The following SNRPC variants were observed in gnomAD, a reference collection of about 807,000 sequenced individuals.
The protein encoded by SNRPC is small nuclear ribonucleoprotein polypeptide C.
A neutral mutation model predicts 20.0 loss-of-function variants in SNRPC; 5 were observed. That is an observed-to-expected ratio of 0.25 (90% CI 0.13 to 0.53). The LOEUF is 0.53. Among genes scored for constraint, SNRPC ranks in the 20% least tolerant of loss-of-function variants. SNRPC has a pLI of 0.96. For synonymous variants in SNRPC, 61 were observed against 58.7 expected (o/e 1.04, Z -0.18); for missense variants, 112 against 224.1 (o/e 0.50, Z 3.19).
chr6:34,766,396 A>G (rs1764614173), intron 3 of SNRPC, among the ~76,000 whole-genome samples: 1 of 151,722 alleles, frequency 6.6e-6, no homozygotes, highest in Non-Finnish European at 1.5e-5. Flanking sequence ...ACGGGATCTC[A>G]CTATGTTGCC....
chr6:34,771,320 C>T (rs1764687516), intron 5 of SNRPC, among the ~76,000 whole-genome samples: 1 of 122,436 alleles, frequency 8.2e-6, no homozygotes, highest in Admixed American at 9.3e-5. Flanking sequence ...CAGAGTGAGA[C>T]TGTGTCTCAA....
chr6:34,773,458 G>A lies in SNRPC; in HGVS notation c.368G>A (p.Arg123Lys). 13 of 1,613,626 alleles carry A rather than the reference G, an allele frequency of 8.1e-6. No individual in the cohort carries two copies. The highest frequency in any genetic ancestry group is 2.2e-5 in the East Asian group (1 of 44,890). ...MMPVGPAPGM[R>K]PPMGGHMPMM... ...TTTTGTCCTGCAGCTCCTGGAATGA[G>A]GCCGCCCATGGGAGGCCATATGCCA... Residue 123 changes from arginine (R) to lysine (K), a missense_variant, in exon 6 of 6, where the codon AGG becomes AAG. Physicochemically the swap from Arg to Lys is conservative, Grantham distance 26. Around this residue, in one of 3 missense-constraint regions of SNRPC, gnomAD observed 57 missense variants for 121.0 expected, o/e 0.47. Transcript: ENST00000244520. This position sits in a 1 kb window ranked among gnomAD's most constrained non-coding sequence, Gnocchi z 4.1.
intron 4 of SNRPC, among the ~76,000 whole-genome samples, chr6:34,769,637 A>G (rs1246425850): frequency 6.6e-6 from 1 of 152,232 alleles, no homozygotes. Context: ...ATCTTAAATT[A>G]GATACTTGTG....
In SNRPC at chr6:34,771,770, C is replaced by T. The variant is rs1275439240; in HGVS notation, c.355+1375C>T. 5.3e-5 allele frequency among the ~76,000 whole-genome samples: 8 copies of T among 152,296 alleles called. No individual in the cohort carries two copies. In the East Asian group the frequency reaches 1.5e-3, roughly 29 times the overall value. ...GTATCAGTATGTGTGCTGCAGGTATCACTTAGAGGAGGGGGAGAGTGTAGA... is the reference window on the plus strand; with the variant it reads ...GTATCAGTATGTGTGCTGCAGGTATTACTTAGAGGAGGGGGAGAGTGTAGA... On this transcript the variant is annotated intron_variant, in intron 5 of 5. Transcript: ENST00000244520.
intron 3 of SNRPC, among the ~76,000 whole-genome samples, chr6:34,762,916 A>G (rs570926365): frequency 4.7e-4 from 72 of 152,322 alleles, no homozygotes; most frequent in Admixed American, 1.2e-3. Flanking sequence ...AGACAGCAAT[A>G]AGGTTAGATG....
chr6:34,770,435 G>A (rs763274833), intron 5 of SNRPC, 40 bp downstream of exon 5: 2 of 1,320,948 alleles, frequency 1.5e-6, no homozygotes, highest in South Asian at 1.2e-5. Context: ...GTTCCATTTA[G>A]TTTAGTTACT....
intron 2 of SNRPC, among the ~76,000 whole-genome samples, chr6:34,758,969 G>A (rs1374986082): frequency 2.9e-5 from 4 of 137,608 alleles, no homozygotes; most frequent in African/African-American, 1.1e-4. Context: ...GCAGTGAGCC[G>A]AGATCCCGCC....
At position 34,760,915 on chromosome 6, in the gene SNRPC, G is replaced by A. The variant is rs1352497409; in HGVS notation, c.52-1680G>A. ...AAAAAAAAATTAGCTGGGTGTAGTG[G>A]CACGCGCCTATAGTCCCAGGTACTT... On this transcript the variant is annotated intron_variant, in intron 2 of 5. Coordinates refer to ENST00000244520, the MANE Select transcript of SNRPC (RefSeq NM_003093.3). Among the ~76,000 whole-genome samples the A allele has an allele frequency of 3.3e-5, 5 of 151,932 alleles. No homozygotes were observed. In the South Asian group the frequency reaches 1.0e-3, roughly 32 times the overall value.
intron 4 of SNRPC, 77 bp from the exon 5 acceptor site, chr6:34,770,214 C>A: frequency 1.8e-6 from 2 of 1,106,046 alleles, no homozygotes; most frequent in Non-Finnish European, 1.4e-6. Flanking sequence ...AAGAACGAAA[C>A]TCCGTCTCAA....
At chr6:34,757,608 C>A in intron 1 of SNRPC, 57 bp downstream of exon 1, 1 of 1,574,436 alleles carries the variant, frequency 6.4e-7, no homozygotes, top group Non-Finnish European at 8.7e-7. Flanking sequence ...GGCCCCCATG[C>A]AGGAGCGGAG....
At chr6:34,761,513 AT>A (rs869059984) in intron 2 of SNRPC, among the ~76,000 whole-genome samples, 284 of 85,626 alleles carry the variant, frequency 3.3e-3, no homozygotes, top group African/African-American at 0.01. Flanking sequence ...ACAAGGAACA[AT>A]TTTTTTTTTT....
intron 2 of SNRPC, among the ~76,000 whole-genome samples, chr6:34,761,957 CT>C (rs1353702933): frequency 1.3e-5 from 2 of 152,046 alleles, no homozygotes; most frequent in African/African-American, 4.8e-5. Flanking sequence ...CAACCACCAC[CT>C]TTGCTGCAGT....
At chr6:34,770,944 AACTTAC>A (rs1382327392) in intron 5 of SNRPC, among the ~76,000 whole-genome samples, 1 of 152,196 alleles carries the variant, frequency 6.6e-6, no homozygotes, top group African/African-American at 2.4e-5. Flanking sequence ...AGGCGTAAAA[AACTTAC>A]ACTTCAAACA....
chr6:34,767,313 T>A (rs1764625645), intron 3 of SNRPC, among the ~76,000 whole-genome samples: 1 of 152,224 alleles, frequency 6.6e-6, no homozygotes, highest in African/African-American at 2.4e-5. Flanking sequence ...AGATGACTGT[T>A]CCTCTTTGGT....
intron 2 of SNRPC, 42 bp downstream of exon 2, chr6:34,757,996 G>A: frequency 6.3e-7 from 1 of 1,575,408 alleles, no homozygotes; most frequent in Middle Eastern, 1.7e-4. Context: ...AGCCTTATGT[G>A]TAATAATTAA....
chr6:34,773,367 A>T lies in SNRPC; in HGVS notation c.356-79A>T. On this transcript the variant is annotated intron_variant, in intron 5 of 5. Coordinates refer to ENST00000244520, the MANE Select transcript of SNRPC (RefSeq NM_003093.3). The surrounding 1 kb of genome is among the most constrained non-coding windows in gnomAD (Gnocchi z 4.1). ...AAGGGGGGCTACGTTTTTTGTTTTT[A>T]ATTGAAGTCCCATCAAACTCTCCCT... The T allele has an allele frequency of 2.2e-6, 3 of 1,346,068 alleles. No individual in the cohort carries two copies. Among genetic ancestry groups the T allele is most frequent in the Admixed American group, 2.3e-5 (1 of 44,132 alleles). 83.4% of individuals were successfully genotyped at this position (1,346,068 alleles called of 1,614,324 possible).
At chr6:34,764,791 G>A (rs527591786) in intron 3 of SNRPC, among the ~76,000 whole-genome samples, 22 of 152,322 alleles carry the variant, frequency 1.4e-4, no homozygotes, top group Admixed American at 3.9e-4. Flanking sequence ...GGAGGCCGAG[G>A]TGGGTGGATC....
At chr6:34,772,416 T>C (rs982923004) in intron 5 of SNRPC, among the ~76,000 whole-genome samples, 1 of 152,208 alleles carries the variant, frequency 6.6e-6, no homozygotes, top group Non-Finnish European at 1.5e-5. Flanking sequence ...AGGTTAAGCA[T>C]GGGCTTTTAT....
At chr6:34,767,878 T>TC in intron 3 of SNRPC, 30 bp from the exon 4 acceptor site, 1 of 1,236,790 alleles carries the variant, frequency 8.1e-7, no homozygotes, top group South Asian at 1.7e-5. Flanking sequence ...TATTCATCTT[T>TC]TTTTTTTTTT....
Sources: allele counts gnomAD v4.1 joint callset (sites outside exome capture counted in the v4.1 genomes callset), GRCh38; gene constraint gnomAD v4.1.1; regional missense constraint gnomAD v4.1.1; non-coding constraint Gnocchi (gnomAD v3.1); transcripts MANE v1.5; gene names NCBI Gene and HGNC (gene_info 2026-07-23, HGNC 2026-07-21).